Variants in RIC8B observed in about 807,000 individuals in gnomAD.
RIC8B encodes the protein chaperone Ric-8B.
In RIC8B, 16 loss-of-function variants were observed where a neutral mutation model predicts 57.5. That is an observed-to-expected ratio of 0.28 (90% confidence interval 0.19 to 0.42). RIC8B has a LOEUF of 0.42. RIC8B is among the 10% of genes least tolerant of loss of function. The pLI is 1.00. For missense variants in RIC8B, 481 were observed against 677.0 expected, an observed-to-expected ratio of 0.71 and a Z score of 3.21; for synonymous variants, 216 against 250.8, an observed-to-expected ratio of 0.86 and a Z score of 1.31.
chr12:106,803,807 A>AATTTTAAATC (rs2044864595), intron 2 of RIC8B, among the ~76,000 whole-genome samples: 1 of 152,234 alleles, frequency 6.6e-6, no homozygotes, highest in Non-Finnish European at 1.5e-5. Flanking sequence ...TCAGAAAAAC[A>AATTTTAAATC]AGCCACCTTT....
At chr12:106,883,626 T>A (rs530241961) in intron 9 of RIC8B, among the ~76,000 whole-genome samples, 2 of 152,104 alleles carry the variant, frequency 1.3e-5, no homozygotes, top group East Asian at 3.9e-4. Context: ...CAGTGAGTCA[T>A]GAGATCTACC....
chr12:106,828,223 T>C (rs1339833134), intron 4 of RIC8B, among the ~76,000 whole-genome samples: 1 of 152,140 alleles, frequency 6.6e-6, no homozygotes, highest in Non-Finnish European at 1.5e-5. Context: ...GAGATTGAGG[T>C]TGCTGCTGAC....
chr12:106,822,195 T>C (rs2045884918), intron 3 of RIC8B: 1 of 151,992 alleles, frequency 6.6e-6, no homozygotes, highest in South Asian at 2.1e-4. Flanking sequence ...TGTTCAACTT[T>C]ATTAGTCACC....
At chr12:106,780,617 CCT>C (rs1313796979) in intron 1 of RIC8B, among the ~76,000 whole-genome samples, 3 of 152,064 alleles carry the variant, frequency 2.0e-5, no homozygotes, top group African/African-American at 7.2e-5. Context: ...GTGGGCTGTT[CCT>C]TTGTTATACT....
At chr12:106,814,567 T>C (rs2045486608) in intron 2 of RIC8B, 129 bp from the exon 3 acceptor site, 2 of 982,848 alleles carry the variant, frequency 2.0e-6, no homozygotes, top group Non-Finnish European at 3.0e-6. Context: ...CATTCCGTGA[T>C]TTAAAAAATA....
At chr12:106,799,746 G>A (rs973965992) in intron 2 of RIC8B, among the ~76,000 whole-genome samples, 2 of 152,084 alleles carry the variant, frequency 1.3e-5, no homozygotes, top group African/African-American at 4.8e-5. Context: ...TTTTGTTTCC[G>A]TACTTTTTCT....
At chr12:106,808,010 G>A (rs2045125999) in intron 2 of RIC8B, among the ~76,000 whole-genome samples, 1 of 151,462 alleles carries the variant, frequency 6.6e-6, no homozygotes, top group African/African-American at 2.4e-5. Context: ...GCTTGAACCT[G>A]GGAGGCGGAG....
At chr12:106,871,043 A>G in intron 9 of RIC8B, 101 bp downstream of exon 9, 2 of 1,251,654 alleles carry the variant, frequency 1.6e-6, no homozygotes, top group Non-Finnish European at 2.2e-6. Context: ...CTGGAAATCC[A>G]TGTTGATTGG....
chr12:106,833,004 GA>G (rs796650201), intron 4 of RIC8B, among the ~76,000 whole-genome samples: 1 of 150,502 alleles, frequency 6.6e-6, no homozygotes, highest in Non-Finnish European at 1.5e-5. Context: ...CTTTTGTGAG[GA>G]AAAAAAAATC....
At chr12:106,840,996 T>G (rs1566118045) in intron 4 of RIC8B, among the ~76,000 whole-genome samples, 1 of 152,200 alleles carries the variant, frequency 6.6e-6, no homozygotes. Flanking sequence ...TCTATGGTAT[T>G]ATTTAGTAAC....
At chr12:106,882,135 T>G (rs1466018329) in intron 9 of RIC8B, among the ~76,000 whole-genome samples, 2 of 152,168 alleles carry the variant, frequency 1.3e-5, no homozygotes, top group East Asian at 1.9e-4. Flanking sequence ...TTCCCCCACT[T>G]AATCCCTAAC....
In RIC8B at chr12:106,797,907, C is replaced by T. The variant is rs184606792; in HGVS notation, c.132+13863C>T. On this transcript the variant is annotated intron_variant, in intron 2 of 9. Coordinates refer to ENST00000392837, the MANE Select transcript of RIC8B (RefSeq NM_001330145.2). The stretch of plus-strand genomic sequence containing the variant: ...AAGACCCGTGTGCTACACCGTACTG[C>T]CGCTCATTAATAATTGGATTGACCT... 813 of 567,230 alleles carry T rather than the reference C, an allele frequency of 1.4e-3. 4 individuals are homozygous for T. The highest frequency in any genetic ancestry group is 2.1e-3 in the Non-Finnish European group (669 of 314,232). 35.1% of individuals were successfully genotyped at this position (567,230 alleles called of 1,614,324 possible).
chr12:106,816,568 C>T (rs1251614455), intron 3 of RIC8B, among the ~76,000 whole-genome samples: 1 of 152,086 alleles, frequency 6.6e-6, no homozygotes, highest in Non-Finnish European at 1.5e-5. Context: ...ATTTTTCTTA[C>T]GCTGTTTGTT....
intron 2 of RIC8B, among the ~76,000 whole-genome samples, chr12:106,802,864 T>C (rs950205212): frequency 6.6e-6 from 1 of 151,976 alleles, no homozygotes. Context: ...TGTTAATAGG[T>C]GTTATTTTTT....
chr12:106,798,451 A>G (rs1307353730), intron 2 of RIC8B, among the ~76,000 whole-genome samples: 11 of 152,180 alleles, frequency 7.2e-5, no homozygotes, highest in Admixed American at 5.9e-4. Context: ...TTCTGACTTC[A>G]GTGATGATCT....
intron 6 of RIC8B, among the ~76,000 whole-genome samples, chr12:106,847,904 A>G (rs1185338293): frequency 6.6e-6 from 1 of 152,204 alleles, no homozygotes; most frequent in Non-Finnish European, 1.5e-5. Flanking sequence ...TATGCTAGAC[A>G]CTGGGAAGAA....
At chr12:106,805,611 C>T (rs2044975904) in intron 2 of RIC8B, among the ~76,000 whole-genome samples, 1 of 152,226 alleles carries the variant, frequency 6.6e-6, no homozygotes, top group Non-Finnish European at 1.5e-5. Context: ...AACTGCCCTG[C>T]TTCTGGTCCT....
At chr12:106,852,445 A>T in intron 7 of RIC8B, among the ~76,000 whole-genome samples, 1 of 152,348 alleles carries the variant, frequency 6.6e-6, no homozygotes, top group East Asian at 1.9e-4. Context: ...TGTTATTCTT[A>T]AACTTCATTT....
intron 9 of RIC8B, 36 bp downstream of exon 9, chr12:106,870,978 A>T: frequency 6.5e-7 from 1 of 1,536,248 alleles, no homozygotes; most frequent in Non-Finnish European, 8.8e-7. Context: ...CTTGGTTTCT[A>T]AAAATGGTCT....
Sources: allele counts gnomAD v4.1 joint callset (sites outside exome capture counted in the v4.1 genomes callset), GRCh38; gene constraint gnomAD v4.1.1; transcripts MANE v1.5; gene names NCBI Gene and HGNC (gene_info 2026-07-23, HGNC 2026-07-21).